Variants in ASB15 observed in about 807,000 individuals in gnomAD.
The protein encoded by ASB15 is ankyrin repeat and SOCS box protein 15.
In ASB15, 54 loss-of-function variants were observed where a neutral mutation model predicts 58.0. The observed-to-expected ratio is 0.93, with a 90% confidence interval of 0.75 to 1.17. The LOEUF is 1.17. Among genes scored for constraint, ASB15 ranks in the 50% most tolerant of loss-of-function variants. ASB15 has a pLI of 0.00. For synonymous variants in ASB15, 249 were observed against 262.4 expected (o/e 0.95, Z 0.50); for missense variants, 680 against 707.4 (o/e 0.96, Z 0.44).
chr7:123,634,905 T>C (rs1291834384), intron 11 of ASB15, among the ~76,000 whole-genome samples: 1 of 152,174 alleles, frequency 6.6e-6, no homozygotes, highest in East Asian at 1.9e-4. Context: ...CAAGTCTCTG[T>C]ATCCAGTTAT....
At chr7:123,573,787 T>C (rs118116536) in intron 1 of ASB15, among the ~76,000 whole-genome samples, 2,401 of 152,254 alleles carry the variant, frequency 0.016, 21 homozygotes, top group South Asian at 0.033. Flanking sequence ...TAAAGACCAA[T>C]AGCTTTGTAG....
rs189284222 is a variant in ASB15 at position 123,634,217 on chromosome 7, G to A, written c.1595-2592G>A. On this transcript the variant is annotated intron_variant, in intron 11 of 11. Transcript: ENST00000451215. Reference sequence around the variant, plus strand: ...ACTCCCCCAGCCACCCCCCCGACAGGCCCCACCCAGTATGTGCTGTTCCCC... The same window carrying A: ...ACTCCCCCAGCCACCCCCCCGACAGACCCCACCCAGTATGTGCTGTTCCCC... Among the ~76,000 whole-genome samples the A allele has an allele frequency of 1.4e-3, 219 of 151,936 alleles. 2 individuals are homozygous for A. Among genetic ancestry groups the A allele is most frequent in the Non-Finnish European group, 2.8e-3 (187 of 67,958 alleles).
chr7:123,578,164 A>C (rs805781), intron 1 of ASB15, among the ~76,000 whole-genome samples: 2 of 149,538 alleles, frequency 1.3e-5, no homozygotes, highest in Non-Finnish European at 3.0e-5. Flanking sequence ...ATAAATTTCA[A>C]ATTATAAAAG....
At chr7:123,599,933 T>G (rs1174395022), upstream of ASB15, among the ~76,000 whole-genome samples, 1 of 152,220 alleles carries the variant, frequency 6.6e-6, no homozygotes, top group African/African-American at 2.4e-5. Context: ...AGGACTCATT[T>G]TGTTTCCCCT....
In ASB15 at chr7:123,630,128, C is replaced by G; in HGVS notation, c.1594+9C>G. 6.4e-7 allele frequency: 1 copy of G among 1,552,480 alleles called. No homozygotes were observed. Among genetic ancestry groups the G allele is most frequent in the East Asian group, 2.3e-5 (1 of 43,954 alleles). Reference sequence around the variant, plus strand: ...AATCCGCCAAATACTAGGTAAAAACCAAAAGTTTTGCCTACAATTTTTAAA... The same window carrying G: ...AATCCGCCAAATACTAGGTAAAAACGAAAAGTTTTGCCTACAATTTTTAAA... On this transcript the variant is annotated intron_variant, in intron 11 of 11. Coordinates refer to ENST00000451215, the MANE Select transcript of ASB15 (RefSeq NM_001290258.2).
chr7:123,615,532 T>G (rs1379662021), intron 4 of ASB15: 1 of 152,204 alleles, frequency 6.6e-6, no homozygotes, highest in African/African-American at 2.4e-5. Context: ...TGTTTCTGCT[T>G]AACAGAGTTA....
At position 123,629,092 on chromosome 7, in the gene ASB15, A is replaced by G. The variant is rs1443774119; in HGVS notation, c.1098A>G (p.Thr366=). The G allele has an allele frequency of 1.2e-6, 2 of 1,613,860 alleles. No individual in the cohort carries two copies. Among genetic ancestry groups the G allele is most frequent in the South Asian group, 1.1e-5 (1 of 91,064 alleles). The stretch of plus-strand genomic sequence containing the variant: ...TTTCTAATAATGACGTTCATTGCAC[A>G]GAAGTCCTTCTGGCTGCAGGTGCAG... The part of the protein sequence containing the change: ...FGVSNNDVHC[T]EVLLAAGADP... The change falls in exon 10 of 12, where the codon ACA becomes ACG. Residue 366 remains threonine, a synonymous_variant. Coordinates refer to ENST00000451215, the MANE Select transcript of ASB15 (RefSeq NM_001290258.2).
At chr7:123,607,347 G>A (rs565035643) in intron 2 of ASB15, among the ~76,000 whole-genome samples, 2 of 152,148 alleles carry the variant, frequency 1.3e-5, no homozygotes, top group East Asian at 3.9e-4. Flanking sequence ...CCATTTTTAT[G>A]TGTACAATAA....
At chr7:123,616,568 A>T in intron 6 of ASB15, 73 bp downstream of exon 6, 1 of 1,457,322 alleles carries the variant, frequency 6.9e-7, no homozygotes, top group Non-Finnish European at 9.4e-7. Context: ...AAGTGTTTTC[A>T]GTGAACATAA....
At chr7:123,621,242 A>C (rs1007672822) in intron 7 of ASB15, among the ~76,000 whole-genome samples, 4 of 152,246 alleles carry the variant, frequency 2.6e-5, no homozygotes, top group Non-Finnish European at 4.4e-5. Context: ...TCAGAGTTGA[A>C]ATAGAATTAA....
upstream of ASB15, among the ~76,000 whole-genome samples, chr7:123,600,359 G>T (rs112252072): frequency 8.4e-4 from 127 of 152,072 alleles, no homozygotes; most frequent in African/African-American, 2.8e-3. Flanking sequence ...TTATATAAAC[G>T]GATAAAACAG....
rs1801986003 is a variant in ASB15 at position 123,629,154 on chromosome 7, C to T, written c.1160C>T (p.Ala387Val). The change falls in exon 10 of 12, where the codon GCA becomes GTA. Residue 387 changes from alanine (A) to valine (V), a missense_variant. By Grantham distance (64) the Ala-to-Val change is moderately conservative. Transcript: ENST00000451215. ...NLDPLNCLLV[A>V]VRANNYEIVR... ...GATCCCCTCAACTGTCTACTTGTTG[C>T]AGTGAGGGCCAATAATTATGAAATT... 1 of 1,613,980 alleles carries T rather than the reference C, an allele frequency of 6.2e-7. No individual in the cohort carries two copies.
At chr7:123,596,945 A>C (rs1307831367), upstream of ASB15, among the ~76,000 whole-genome samples, 1 of 152,202 alleles carries the variant, frequency 6.6e-6, no homozygotes, top group Admixed American at 6.5e-5. Flanking sequence ...GGTTTATATT[A>C]AATAAGGTAC....
At chr7:123,570,150 T>C (rs1219575916) in intron 1 of ASB15, among the ~76,000 whole-genome samples, 2 of 149,038 alleles carry the variant, frequency 1.3e-5, no homozygotes, top group African/African-American at 5.0e-5. Flanking sequence ...TTCTCCTGCC[T>C]CAGCCTCCCA....
intron 6 of ASB15, among the ~76,000 whole-genome samples, chr7:123,617,216 A>C (rs1800875990): frequency 6.6e-6 from 1 of 152,194 alleles, no homozygotes; most frequent in Non-Finnish European, 1.5e-5. Context: ...ATTCAAGTAC[A>C]TTCTCCATTC....
intron 11 of ASB15, among the ~76,000 whole-genome samples, chr7:123,632,211 T>C (rs1202915992): frequency 1.3e-5 from 2 of 152,002 alleles, no homozygotes; most frequent in Admixed American, 1.3e-4. Context: ...TAATATCAGA[T>C]ATGAAAGAAC....
At chr7:123,622,913 A>G (rs1197501882) in intron 7 of ASB15, 1 of 152,166 alleles carries the variant, frequency 6.6e-6, no homozygotes, top group Non-Finnish European at 1.5e-5. Flanking sequence ...CTGCTCCCAA[A>G]TGAAGTAGGC....
intron 3 of ASB15, among the ~76,000 whole-genome samples, chr7:123,612,572 C>T (rs942775860): frequency 6.6e-5 from 10 of 151,810 alleles, no homozygotes; most frequent in African/African-American, 1.7e-4. Flanking sequence ...TAACACAGTG[C>T]GAGCCATGGA....
At chr7:123,634,325 GT>G (rs1169882633) in intron 11 of ASB15, among the ~76,000 whole-genome samples, 2 of 152,010 alleles carry the variant, frequency 1.3e-5, no homozygotes, top group Non-Finnish European at 2.9e-5. Context: ...TCCTGCATTA[GT>G]TTGCTGAGGA....
Sources: gnomAD v4.1 joint callset for allele counts (sites outside exome capture counted in the v4.1 genomes callset) on GRCh38, gnomAD v4.1.1 for gene constraint, MANE v1.5 for transcripts, NCBI Gene and HGNC (gene_info 2026-07-23, HGNC 2026-07-21) for gene names.